LRBA: variants seen among roughly 807,000 people sequenced by gnomAD.
LRBA encodes the protein LPS responsive beige-like anchor protein, also known as lipopolysaccharide-responsive and beige-like anchor protein.
LRBA carries 176 observed loss-of-function variants against 330.0 expected under a neutral mutation model. The ratio of observed to expected loss-of-function variants is 0.53; its 90% CI spans 0.47 to 0.60. The LOEUF (loss-of-function observed/expected upper bound fraction) is 0.60, where lower values mean the gene tolerates loss of function less well. Among genes scored for constraint, LRBA ranks in the 20% least tolerant of loss-of-function variants. The probability of loss-of-function intolerance (pLI) is 0.00; values close to 1 mark genes in which losing one functional copy is unlikely to be tolerated. For missense variants in LRBA, 3,259 were observed against 3,444.8 expected (o/e 0.95, Z 1.35); for synonymous variants, 1,230 against 1,193.0 (o/e 1.03, Z -0.64).
intron 52 of LRBA, among the ~76,000 whole-genome samples, chr4:150,304,860 T>C (rs1407945432): frequency 6.6e-6 from 1 of 152,014 alleles, no homozygotes; most frequent in East Asian, 1.9e-4. Context: ...AACTAGAAAA[T>C]CAAAGGTTAA....
chr4:150,976,090 G>A (rs939186135), intron 2 of LRBA, among the ~76,000 whole-genome samples: 2 of 149,916 alleles, frequency 1.3e-5, no homozygotes, highest in African/African-American at 2.5e-5. Flanking sequence ...CAGGAGAATC[G>A]TCTGAACCTG....
In LRBA at chr4:150,900,221, C is replaced by T. The variant is rs1186297719; in HGVS notation, c.1756-4G>A. ...AAGTATAGAGCATCAGTTGAACCTA[C>T]AGAATAAAAATGAAGAACTTAGAGA... is the stretch of plus-strand genomic sequence containing the variant. On this transcript the variant is annotated splice_region_variant and splice_polypyrimidine_tract_variant and intron_variant, in intron 13 of 56. Coordinates refer to ENST00000651943, the MANE Select transcript of LRBA (RefSeq NM_001364905.1). 2 of 1,600,048 alleles carry T rather than the reference C, an allele frequency of 1.2e-6. No individual in the cohort carries two copies. The highest frequency in any genetic ancestry group is 1.7e-5 in the Admixed American group (1 of 58,886).
chr4:150,493,870 A>G (rs545552528), intron 40 of LRBA, among the ~76,000 whole-genome samples: 2 of 152,286 alleles, frequency 1.3e-5, no homozygotes, highest in East Asian at 3.9e-4. Flanking sequence ...TGGGAGGCCA[A>G]GATGGGAGGA....
intron 40 of LRBA, among the ~76,000 whole-genome samples, chr4:150,530,725 C>T (rs1463286598): frequency 6.6e-6 from 1 of 152,174 alleles, no homozygotes; most frequent in Non-Finnish European, 1.5e-5. Context: ...CCTGTTTCAG[C>T]ATCTCAACCT....
At chr4:150,718,714 T>A (rs1728558090) in intron 36 of LRBA, among the ~76,000 whole-genome samples, 1 of 152,280 alleles carries the variant, frequency 6.6e-6, no homozygotes, top group Non-Finnish European at 1.5e-5. Context: ...AATTTTATTA[T>A]AACACCTTAA....
Position 150,806,382 on chromosome 4 carries a change from C to T in LRBA, c.5407G>A (p.Ala1803Thr), listed in dbSNP as rs761095273. The change falls in exon 33 of 57, where the codon GCT becomes ACT. Residue 1803 changes from alanine to threonine, a missense_variant. Ala to Thr is a moderately conservative substitution (Grantham distance 58, BLOSUM62 0). Coordinates refer to ENST00000651943, the MANE Select transcript of LRBA (RefSeq NM_001364905.1). Reference protein sequence around the residue: ...NMSITERLEHALEKAAPLLRE... With the variant: ...NMSITERLEHTLEKAAPLLRE... ...AGGAGAGGAGCTGCCTTTTCCAAAG[C>T]GTGTTCAAGCCTCTCTGTAATACTA... 10 of 1,608,236 alleles carry T rather than the reference C, an allele frequency of 6.2e-6. No homozygotes were observed. The highest frequency in any genetic ancestry group is 5.6e-5 in the South Asian group (5 of 90,068).
chr4:150,827,479 C>T (rs1221061197), intron 30 of LRBA, among the ~76,000 whole-genome samples: 3 of 152,160 alleles, frequency 2.0e-5, no homozygotes, highest in Non-Finnish European at 4.4e-5. Context: ...TAAAATCAAC[C>T]TCTTCTCTTC....
chr4:151,013,842 T>G (rs1270952893), intron 2 of LRBA: 1 of 152,654 alleles, frequency 6.6e-6, no homozygotes, highest in African/African-American at 2.4e-5. Context: ...TTTTTTCATA[T>G]TGCCATTCAA....
chr4:150,832,068 C>T (rs1747284997), intron 28 of LRBA, 92 bp from the exon 29 acceptor site: 1 of 689,920 alleles, frequency 1.4e-6, no homozygotes. Context: ...AACATGTTCA[C>T]AAATCTTTCA....
At chr4:150,362,438 G>T (rs888058283) in intron 47 of LRBA, among the ~76,000 whole-genome samples, 11 of 151,974 alleles carry the variant, frequency 7.2e-5, no homozygotes, top group African/African-American at 2.7e-4. Context: ...CATATGAACT[G>T]CTATCTAAAA....
rs868097324 is a variant in LRBA at position 150,421,153 on chromosome 4, T to G, written c.7042-5563A>C. ...AAAGTATATATAATATACATTATAT[T>G]ATATATAAAGTATATATAATACATA... is the stretch of plus-strand genomic sequence containing the variant. On this transcript the variant is annotated intron_variant, in intron 46 of 56. Transcript: ENST00000651943. Among the ~76,000 whole-genome samples, 3 of 104,050 alleles carry G rather than the reference T, an allele frequency of 2.9e-5. No individual in the cohort carries two copies. The South Asian group carries it at 8.1e-4, about 28-fold the overall frequency. 68.3% of individuals were successfully genotyped at this position (104,050 alleles called of 152,430 possible). A position where few individuals can be genotyped will look rare whatever the true frequency, so the allele number is the denominator to read the frequency against.
At chr4:150,424,988 T>G (rs1749374755) in intron 46 of LRBA, among the ~76,000 whole-genome samples, 1 of 152,176 alleles carries the variant, frequency 6.6e-6, no homozygotes, top group East Asian at 1.9e-4. Flanking sequence ...TACCAATATG[T>G]AACAAAATAA....
Position 150,914,842 on chromosome 4 carries a change from G to A in LRBA, c.1015-501C>T, listed in dbSNP as rs79175651. ...ATTGAGCACTCATTCTGTATAAGGCGCGCTGCTAATAGATTTATGGATATT... is the reference window on the plus strand; with the variant it reads ...ATTGAGCACTCATTCTGTATAAGGCACGCTGCTAATAGATTTATGGATATT... On this transcript the variant is annotated intron_variant, in intron 8 of 56. Transcript: ENST00000651943. Among the ~76,000 whole-genome samples, 953 of 152,166 alleles carry A rather than the reference G, an allele frequency of 6.3e-3. 10 individuals carry two copies. Among genetic ancestry groups the A allele is most frequent in the African/African-American group, 0.021 (890 of 41,534 alleles).
chr4:150,412,244 T>C (rs2151946602), intron 47 of LRBA, among the ~76,000 whole-genome samples: 1 of 152,270 alleles, frequency 6.6e-6, no homozygotes, highest in Non-Finnish European at 1.5e-5. Context: ...GTCTAAACAA[T>C]GAAGACATCT....
At chr4:150,487,125 T>A (rs1757974849) in intron 42 of LRBA, among the ~76,000 whole-genome samples, 1 of 151,764 alleles carries the variant, frequency 6.6e-6, no homozygotes, top group East Asian at 1.9e-4. Flanking sequence ...TTTGACATAC[T>A]GTTTTCATTT....
chr4:150,954,020 G>A (rs1183939847), intron 2 of LRBA, among the ~76,000 whole-genome samples: 9 of 41,158 alleles, frequency 2.2e-4, no homozygotes, highest in African/African-American at 5.6e-4. Flanking sequence ...CACCCCGTCT[G>A]AGAAGTGAGG....
In LRBA at chr4:150,302,755, G is replaced by T; in HGVS notation, c.7887C>A (p.Val2629=). Residue 2629 remains valine (V), a synonymous_variant, in exon 53 of 57, where the codon GTC becomes GTA. Coordinates refer to ENST00000651943, the MANE Select transcript of LRBA (RefSeq NM_001364905.1). ...LIQVVFGHWD[V]VTCLARSESY... is the part of the protein sequence containing the mutation. ...ACTCAGAACGAGCAAGGCAAGTGAC[G>T]ACATCCCAATGGCCAAACACCACTT... The T allele has an allele frequency of 6.2e-7, 1 of 1,608,202 alleles. No individual in the cohort carries two copies.
chr4:150,508,369 G>A (rs957960073), intron 40 of LRBA, among the ~76,000 whole-genome samples: 2 of 151,322 alleles, frequency 1.3e-5, no homozygotes, highest in African/African-American at 4.9e-5. Flanking sequence ...TGCAACCTCT[G>A]CCTCCTGGGT....
chr4:150,330,198 A>G (rs1290752586), intron 48 of LRBA, among the ~76,000 whole-genome samples: 1 of 152,098 alleles, frequency 6.6e-6, no homozygotes. Flanking sequence ...TTTCTTCTAC[A>G]AATATAAGCC....
Sources: allele counts gnomAD v4.1 joint callset (sites outside exome capture counted in the v4.1 genomes callset), GRCh38; gene constraint gnomAD v4.1.1; transcripts MANE v1.5; gene names NCBI Gene and HGNC (gene_info 2026-07-23, HGNC 2026-07-21).